MEP1B: variants seen among roughly 807,000 people sequenced by gnomAD.
MEP1B encodes N-benzoyl-L-tyrosyl-P-amino-benzoic acid hydrolase subunit beta.
MEP1B carries 80 observed loss-of-function variants against 84.6 expected under a neutral mutation model. The observed-to-expected ratio is 0.95, with a 90% confidence interval of 0.79 to 1.14. MEP1B has a LOEUF of 1.14. MEP1B is among the 50% of genes most tolerant of loss of function. The pLI is 0.00. For missense variants in MEP1B, 766 were observed against 855.1 expected (o/e 0.90, Z 1.30); for synonymous variants, 273 against 288.1 (o/e 0.95, Z 0.53).
chr18:32,191,956 C>A, intron 2 of MEP1B, 116 bp downstream of exon 2: 1 of 639,070 alleles, frequency 1.6e-6, no homozygotes, highest in Non-Finnish European at 2.7e-6. Flanking sequence ...GAACTTTGAT[C>A]TAATACTGGA....
At chr18:32,192,042 T>C (rs1348373491) in intron 2 of MEP1B, among the ~76,000 whole-genome samples, 1 of 152,064 alleles carries the variant, frequency 6.6e-6, no homozygotes, top group East Asian at 1.9e-4. Context: ...ATAGATGGTA[T>C]AGGAAAGGCC....
intron 12 of MEP1B, among the ~76,000 whole-genome samples, chr18:32,215,784 A>G (rs1352389492): frequency 6.6e-6 from 1 of 152,182 alleles, no homozygotes; most frequent in African/African-American, 2.4e-5. Context: ...AGTTCGTGCC[A>G]CTGCACTCCA....
chr18:32,205,399 T>C (rs1053548048), intron 7 of MEP1B, among the ~76,000 whole-genome samples: 1 of 152,200 alleles, frequency 6.6e-6, no homozygotes, highest in Non-Finnish European at 1.5e-5. Context: ...AGGGCATTGC[T>C]ATTATGTCTG....
intron 5 of MEP1B, among the ~76,000 whole-genome samples, chr18:32,200,964 T>A (rs964060960): frequency 1.3e-5 from 2 of 152,332 alleles, no homozygotes; most frequent in African/African-American, 4.8e-5. Flanking sequence ...AAGCCTGGCA[T>A]GGTTCCAAGT....
intron 5 of MEP1B, among the ~76,000 whole-genome samples, chr18:32,197,820 C>T (rs1187186468): frequency 6.6e-6 from 1 of 152,146 alleles, no homozygotes; most frequent in African/African-American, 2.4e-5. Context: ...GTTAGGGGTA[C>T]AAATGAACCC....
At chr18:32,213,035 C>A in intron 10 of MEP1B, 81 bp from the exon 11 acceptor site, 1 of 1,350,004 alleles carries the variant, frequency 7.4e-7, no homozygotes, top group Non-Finnish European at 1.0e-6. Flanking sequence ...GACCCTTTGT[C>A]TAAGAAGGCT....
chr18:32,194,406 T>C (rs2040832393), intron 4 of MEP1B, among the ~76,000 whole-genome samples: 1 of 152,178 alleles, frequency 6.6e-6, no homozygotes, highest in Non-Finnish European at 1.5e-5. Flanking sequence ...AACTCTTCCA[T>C]AGTTGCCTAT....
chr18:32,205,503 C>G (rs1290014256), intron 7 of MEP1B, among the ~76,000 whole-genome samples: 1 of 152,204 alleles, frequency 6.6e-6, no homozygotes, highest in African/African-American at 2.4e-5. Context: ...CTGCTTATCT[C>G]AAATGCGGTC....
rs1279498450 is a variant in MEP1B, at chr18:32,190,134, G to T, written c.63+1G>T. 6.2e-7 allele frequency: 1 copy of T among 1,611,824 alleles called. No homozygotes were observed. The highest frequency in any genetic ancestry group is 8.5e-7 in the Non-Finnish European group (1 of 1,178,458). ...TGCTCTTCTCGTGATTTCTGGCTTG[G>T]TAAGGAAACAGTATATAGAAGATAA... On this transcript the variant is annotated splice_donor_variant, in intron 1 of 14. Transcript: ENST00000269202. LOFTEE classifies it high-confidence loss of function.
In MEP1B at chr18:32,220,363, T is replaced by C; in HGVS notation, c.*118T>C. 4.4e-6 allele frequency: 4 copies of C among 913,728 alleles called. No individual in the cohort carries two copies. Among genetic ancestry groups the C allele is most frequent in the Non-Finnish European group, 6.8e-6 (4 of 591,590 alleles). The allele number at this position is 913,728 out of a possible 1,614,324, so 56.6% of individuals were successfully genotyped here. On this transcript the variant is annotated 3_prime_UTR_variant, in exon 15 of 15. Coordinates refer to ENST00000269202, the MANE Select transcript of MEP1B (RefSeq NM_005925.3). ...CTAAAAGTGGATATTTTTCTGTAAA[T>C]AGCTGGAAATATTATAAATCACTAT...
At position 32,210,681 on chromosome 18, in the gene MEP1B, T is replaced by C. The variant is rs1478004022; in HGVS notation, c.1100T>C (p.Val367Ala). The change falls in exon 10 of 15, where the codon GTG becomes GCG. Residue 367 changes from valine to alanine, a missense_variant. Transcript: ENST00000269202. ...IYIREYSADN[V>A]DGNLTLVEEI... ...ATCAGGGAGTATTCTGCAGACAATG[T>C]GGATGGCAATTTAACCCTTGTGGAA... is the stretch of plus-strand genomic sequence containing the variant. 7 of 1,613,818 alleles carry C rather than the reference T, an allele frequency of 4.3e-6. No homozygotes were observed. The highest frequency in any genetic ancestry group is 4.0e-5 in the African/African-American group (3 of 74,952).
At chr18:32,218,483 C>T (rs939378414) in intron 14 of MEP1B, among the ~76,000 whole-genome samples, 3 of 152,138 alleles carry the variant, frequency 2.0e-5, no homozygotes, top group Non-Finnish European at 4.4e-5. Context: ...TAAAGTCTTG[C>T]CTCAAAAAAT....
rs2040794840 is a variant in MEP1B, at chr18:32,190,797, A to G, written c.63+664A>G. On this transcript the variant is annotated intron_variant, in intron 1 of 14. Transcript: ENST00000269202. ...CTTGATAATTTTATTCTGTAGGTGC[A>G]CTGGCATTCCTCTATGAGTGTATGC... is the stretch of plus-strand genomic sequence containing the variant. Among the ~76,000 whole-genome samples, 3 of 152,266 alleles carry G rather than the reference A, an allele frequency of 2.0e-5. No individual in the cohort carries two copies. The South Asian group carries it at 6.2e-4, about 32-fold the overall frequency.
In MEP1B at chr18:32,219,219, A is replaced by C. The variant is rs1240752435; in HGVS notation, c.2092-1012A>C. ...GAGTTTTTAAAGGGGACAGCCTGGT[A>C]TCAAGTCAGTCAAAACATGAACAAT... On this transcript the variant is annotated intron_variant, in intron 14 of 14. Transcript: ENST00000269202. Among the ~76,000 whole-genome samples the C allele has an allele frequency of 4.6e-5, 7 of 152,366 alleles. No homozygotes were observed. The East Asian group carries it at 5.8e-4, about 13-fold the overall frequency.
chr18:32,213,078 ACTT>A, intron 10 of MEP1B, 35 bp from the exon 11 acceptor site: 1 of 1,574,134 alleles, frequency 6.4e-7, no homozygotes, highest in Non-Finnish European at 8.7e-7. Context: ...CATGATTTGA[ACTT>A]CTTTGTCTTT....
At chr18:32,216,851 T>C (rs779299371) in intron 12 of MEP1B, 140 bp from the exon 13 acceptor site, 37 of 1,002,924 alleles carry the variant, frequency 3.7e-5, no homozygotes, top group East Asian at 1.1e-4. Flanking sequence ...CTGGGCAACA[T>C]TGCAAGATCT....
In MEP1B at chr18:32,190,063, G is replaced by A. The variant is rs753186740; in HGVS notation, c.-8G>A. ...CATAGTTAGCTACTTTCAACTGGAA[G>A]CTACAACATGGATTTATGGAATCTG... On this transcript the variant is annotated 5_prime_UTR_variant, in exon 1 of 15. Transcript: ENST00000269202. 6.2e-7 allele frequency: 1 copy of A among 1,611,948 alleles called. No homozygotes were observed. Among genetic ancestry groups the A allele is most frequent in the South Asian group, 1.1e-5 (1 of 90,610 alleles).
chr18:32,209,777 C>T (rs565583722), intron 9 of MEP1B, among the ~76,000 whole-genome samples: 4 of 150,268 alleles, frequency 2.7e-5, no homozygotes, highest in Non-Finnish European at 5.9e-5. Context: ...TTTTTTGTGA[C>T]AGTTTGAAGC....
At chr18:32,203,626 T>C (rs2040934441) in intron 6 of MEP1B, among the ~76,000 whole-genome samples, 1 of 152,218 alleles carries the variant, frequency 6.6e-6, no homozygotes, top group Non-Finnish European at 1.5e-5. Context: ...CCTGGTATAT[T>C]AGGCCATTCT....
Sources: gnomAD v4.1 joint callset for allele counts (sites outside exome capture counted in the v4.1 genomes callset) on GRCh38, gnomAD v4.1.1 for gene constraint, MANE v1.5 for transcripts, NCBI Gene and HGNC (gene_info 2026-07-23, HGNC 2026-07-21) for gene names.